Variants in ASPH observed in about 807,000 individuals in gnomAD.
The protein encoded by ASPH is aspartate beta-hydroxylase, also known as aspartyl/asparaginyl beta-hydroxylase.
A neutral mutation model predicts 118.4 loss-of-function variants in ASPH; 100 were observed. The ratio of observed to expected loss-of-function variants is 0.84; its 90% confidence interval spans 0.72 to 1.00. ASPH has a LOEUF of 1.00. ASPH is among the 50% of genes least tolerant of loss of function. The pLI, the probability that ASPH is intolerant of heterozygous loss-of-function variation, is 0.00. For synonymous variants in ASPH, 315 were observed against 325.6 expected, an observed-to-expected ratio of 0.97 and a Z score of 0.35; for missense variants, 920 against 919.5, an observed-to-expected ratio of 1.00 and a Z score of -0.01.
In ASPH at chr8:61,514,754, C is replaced by T. The variant is rs146635634; in HGVS notation, c.2126+2774G>A. The stretch of plus-strand genomic sequence containing the variant: ...ACAAAAAAACTTGTTTTTGTGGAGA[C>T]AGGGTCTTACTGTGTTGCTCAGGCT... On this transcript the variant is annotated intron_variant, in intron 24 of 24. Transcript: ENST00000379454. 7.2e-3 allele frequency among the ~76,000 whole-genome samples: 1,094 copies of T among 152,142 alleles called. 10 individuals are homozygous for T. Among genetic ancestry groups the T allele is most frequent in the Non-Finnish European group, 0.011 (738 of 67,996 alleles).
intron 14 of ASPH, among the ~76,000 whole-genome samples, chr8:61,610,663 T>C (rs565392476): frequency 6.6e-6 from 1 of 152,324 alleles, no homozygotes; most frequent in Non-Finnish European, 1.5e-5. Flanking sequence ...AGCTTTTCCT[T>C]GAGTTGGTTT....
At chr8:61,640,134 A>G (rs1407272103) in intron 10 of ASPH, among the ~76,000 whole-genome samples, 1 of 152,112 alleles carries the variant, frequency 6.6e-6, no homozygotes, top group African/African-American at 2.4e-5. Flanking sequence ...CTCATCTCAC[A>G]TGGTTCTCAG....
chr8:61,510,532 C>A (rs1438178175), intron 24 of ASPH, among the ~76,000 whole-genome samples: 1 of 152,168 alleles, frequency 6.6e-6, no homozygotes, highest in Non-Finnish European at 1.5e-5. Context: ...ATGGATCCCA[C>A]CTTTTCACCA....
chr8:61,574,338 C>G (rs955144075), intron 16 of ASPH, among the ~76,000 whole-genome samples: 1 of 152,176 alleles, frequency 6.6e-6, no homozygotes, highest in Admixed American at 6.5e-5. Context: ...CCCAGCAATC[C>G]CATTACTGGG....
rs950660283 is a variant in ASPH, at chr8:61,601,493, T to C, written c.977-17464A>G. ...AGGCGGAGGTTGCAGTGAGCCAAGA[T>C]TGCGCCAGTGCACTCCAGCCTGGGT... On this transcript the variant is annotated intron_variant, in intron 14 of 24. Transcript: ENST00000379454. Among the ~76,000 whole-genome samples the C allele has an allele frequency of 9.4e-5, 14 of 149,686 alleles. No homozygotes were observed. In the East Asian group the frequency reaches 2.3e-3, roughly 25 times the overall value.
At chr8:61,624,313 G>A (rs916342558) in intron 13 of ASPH, 1 of 985,350 alleles carries the variant, frequency 1.0e-6, no homozygotes, top group Non-Finnish European at 1.2e-6. Context: ...GATGGCTGCA[G>A]GGGCTATTTA....
chr8:61,561,087 GGAGGGAGGGAGAGAGGGA>G (rs1829699099), intron 18 of ASPH, among the ~76,000 whole-genome samples: 1 of 44,682 alleles, frequency 2.2e-5, no homozygotes, highest in Non-Finnish European at 4.4e-5. Context: ...AGGGAGGGAG[GGAGGGAGGGAGAGAGGGA>G]GGGAGGGAGG....
At position 61,681,010 on chromosome 8, in the gene ASPH, C is replaced by T. The variant is rs1344023344; in HGVS notation, c.280G>A (p.Gly94Ser). 1 of 1,604,002 alleles carries T rather than the reference C, an allele frequency of 6.2e-7. No homozygotes were observed. ...LGKLGIYDADGDGDFDVDDAK... is the reference protein window; with the variant it reads ...LGKLGIYDADSDGDFDVDDAK... ...TCATCCACATCAAAATCTCCATCAC[C>T]ATCAGCATCATAGATTCCTAGTTTT... Residue 94 changes from glycine to serine, a missense_variant, in exon 3 of 25, where the codon GGT (glycine) becomes AGT (serine). Transcript: ENST00000379454.
At chr8:61,578,837 C>A in intron 15 of ASPH, 1 of 1,612,248 alleles carries the variant, frequency 6.2e-7, no homozygotes. Context: ...CTTACATGAA[C>A]AAGGTAGAGC....
chr8:61,675,909 A>C (rs1454766793), intron 3 of ASPH: 10 of 1,431,756 alleles, frequency 7.0e-6, no homozygotes, highest in Non-Finnish European at 9.1e-6. Flanking sequence ...TGAGCGAGCA[A>C]GGGACTAGCT....
intron 14 of ASPH, among the ~76,000 whole-genome samples, chr8:61,601,825 T>C (rs1844077265): frequency 6.6e-6 from 1 of 151,304 alleles, no homozygotes; most frequent in Non-Finnish European, 1.5e-5. Context: ...CTATAATTAT[T>C]AAACAATAAA....
intron 15 of ASPH, chr8:61,579,303 CG>C: frequency 6.2e-7 from 1 of 1,614,128 alleles, no homozygotes; most frequent in South Asian, 1.1e-5. Flanking sequence ...TGCCCTGCAG[CG>C]GGCCAAGCAG....
At chr8:61,578,611 T>C (rs7816003) in intron 15 of ASPH, 1,303,546 of 1,513,158 alleles carry the variant, frequency 0.86, 564,357 homozygotes, top group African/African-American at 0.91. Flanking sequence ...CAGCAGAAGA[T>C]GGCTCGGAGC....
At chr8:61,598,142 T>C (rs1020282055) in intron 14 of ASPH, among the ~76,000 whole-genome samples, 1 of 152,198 alleles carries the variant, frequency 6.6e-6, no homozygotes, top group Non-Finnish European at 1.5e-5. Flanking sequence ...AATAGTAACC[T>C]TGAATATAAA....
intron 21 of ASPH, among the ~76,000 whole-genome samples, chr8:61,527,843 G>A (rs1816034589): frequency 6.6e-6 from 1 of 152,188 alleles, no homozygotes; most frequent in Admixed American, 6.5e-5. Flanking sequence ...GCTTGTTGGT[G>A]CTAGGTGGTC....
rs999601341 is a variant in ASPH, at chr8:61,625,073, A to C, written c.935-6054T>G. 5 of 985,668 alleles carry C rather than the reference A, an allele frequency of 5.1e-6. No individual in the cohort carries two copies. In the African/African-American group the frequency reaches 8.7e-5, roughly 17 times the overall value. The allele number at this position is 985,668 out of a possible 1,614,324, so 61.1% of individuals were successfully genotyped here. A position where few individuals can be genotyped will look rare whatever the true frequency, so the allele number is the denominator to read the frequency against. Reference sequence around the variant, plus strand: ...CCTTATCTTAATGTTAACAAAATCAAGAGCTACCCCTAATATATCGATCAA... The same window carrying C: ...CCTTATCTTAATGTTAACAAAATCACGAGCTACCCCTAATATATCGATCAA... On this transcript the variant is annotated intron_variant, in intron 13 of 24. Coordinates refer to ENST00000379454, the MANE Select transcript of ASPH (RefSeq NM_004318.4).
chr8:61,644,656 A>C (rs762331269), intron 6 of ASPH, 24 bp from the exon 7 acceptor site: 6 of 1,568,978 alleles, frequency 3.8e-6, no homozygotes, highest in Non-Finnish European at 5.2e-6. Flanking sequence ...AATTAGATTG[A>C]TATTTACTGC....
Position 61,554,766 on chromosome 8 carries a change from CTCAG to C in ASPH, c.1536+1154_1536+1157del, listed in dbSNP as rs1267153544. On this transcript the variant is annotated intron_variant, in intron 19 of 24. Transcript: ENST00000379454. ...TATACACATTTTTTAGAGACAGGGT[CTCAG>C]TCTGTCGCTCACGCTGGAGGGCAGT... is the stretch of plus-strand genomic sequence containing the variant. Among the ~76,000 whole-genome samples the C allele has an allele frequency of 2.0e-5, 3 of 152,224 alleles. No individual in the cohort carries two copies. In the East Asian group the frequency reaches 5.8e-4, roughly 29 times the overall value.
chr8:61,556,047 A>G, intron 18 of ASPH, 25 bp from the exon 19 acceptor site: 3 of 1,600,850 alleles, frequency 1.9e-6, no homozygotes, highest in Non-Finnish European at 2.6e-6. Flanking sequence ...AACACAGAAC[A>G]TAACTCAAAG....
Sources: allele counts gnomAD v4.1 joint callset (sites outside exome capture counted in the v4.1 genomes callset), GRCh38; gene constraint gnomAD v4.1.1; transcripts MANE v1.5; gene names NCBI Gene and HGNC (gene_info 2026-07-23, HGNC 2026-07-21).